XKR3: variants seen among roughly 807,000 people sequenced by gnomAD.
The protein encoded by XKR3 is XK related 3, also known as XK-related protein 3.
In XKR3, 27 loss-of-function variants were observed where a neutral mutation model predicts 40.3. That is an observed-to-expected ratio of 0.67 (90% CI 0.49 to 0.92). The LOEUF is 0.92. Ranked by LOEUF, XKR3 falls within the 40% of genes least tolerant of loss-of-function variation. The probability of loss-of-function intolerance (pLI) is 0.00; values close to 1 mark genes in which losing one functional copy is unlikely to be tolerated. For synonymous variants in XKR3, 193 were observed against 195.4 expected (o/e 0.99, Z 0.10); for missense variants, 472 against 537.6 (o/e 0.88, Z 1.21).
At chr22:16,792,360 T>C (rs1490995424) in intron 3 of XKR3, among the ~76,000 whole-genome samples, 2 of 152,200 alleles carry the variant, frequency 1.3e-5, no homozygotes, top group African/African-American at 2.4e-5. Flanking sequence ...ATAGGAAAAG[T>C]GAACACACAA....
At chr22:16,813,051 G>A (rs1448831191) in intron 1 of XKR3, among the ~76,000 whole-genome samples, 3 of 152,146 alleles carry the variant, frequency 2.0e-5, no homozygotes, top group African/African-American at 4.8e-5. Flanking sequence ...TTGGGAGGCC[G>A]AGGCGGGTGG....
At chr22:16,799,681 G>A (rs1028323967) in intron 3 of XKR3, 90 bp downstream of exon 3, 1 of 1,408,190 alleles carries the variant, frequency 7.1e-7, no homozygotes, top group African/African-American at 1.4e-5. Context: ...CTGTAATTTG[G>A]GATTACATAT....
At chr22:16,821,070 G>A (rs1243080311) in intron 1 of XKR3, among the ~76,000 whole-genome samples, 1 of 152,136 alleles carries the variant, frequency 6.6e-6, no homozygotes. Flanking sequence ...AGATGTTAGA[G>A]TTAAGTCTTC....
At position 16,800,002 on chromosome 22, in the gene XKR3, A is replaced by G. The variant is rs766382936; in HGVS notation, c.358T>C (p.Tyr120His). 1 of 1,614,106 alleles carries G rather than the reference A, an allele frequency of 6.2e-7. No individual in the cohort carries two copies. The highest frequency in any genetic ancestry group is 1.7e-5 in the Admixed American group (1 of 60,018). The change falls in exon 3 of 4, where the codon TAC becomes CAC. Residue 120 changes from tyrosine (Y) to histidine (H), a missense_variant. By Grantham distance (83) the Tyr-to-His change is moderately conservative. Coordinates refer to ENST00000684488, the MANE Select transcript of XKR3 (RefSeq NM_001386955.1). ...TTAAGATTTTTCAACCATTTGTGGT[A>G]ATTTCTAATGGTGTGCAAACACCTG... ...IVRCLHTIRNYHKWLKNLKQE... is the reference protein window; with the variant it reads ...IVRCLHTIRNHHKWLKNLKQE...
At chr22:16,790,751 C>T (rs1436723281) in intron 3 of XKR3, among the ~76,000 whole-genome samples, 3 of 151,754 alleles carry the variant, frequency 2.0e-5, no homozygotes, top group Non-Finnish European at 2.9e-5. Context: ...AACAATTCTC[C>T]GTAAAGAAAA....
Position 16,808,049 on chromosome 22 carries a change from C to T in XKR3, c.25G>A (p.Asp9Asn), listed in dbSNP as rs1310426690. Residue 9 changes from aspartate (D) to asparagine (N), a missense_variant, in exon 2 of 4, where the codon GAT (aspartate) becomes AAT (asparagine). Asp to Asn is a conservative substitution (Grantham distance 23). Transcript: ENST00000684488. Reference sequence around the variant, plus strand: ...GAAACTCCTCCTGTGCTTTCTTCATCCATCTCTTCAAACACTGTCTCCATT... The same window carrying T: ...GAAACTCCTCCTGTGCTTTCTTCATTCATCTCTTCAAACACTGTCTCCATT... METVFEEM[D>N]EESTGGVSSS... The T allele has an allele frequency of 1.2e-6, 2 of 1,609,682 alleles. No homozygotes were observed. Among genetic ancestry groups the T allele is most frequent in the Non-Finnish European group, 1.7e-6 (2 of 1,178,376 alleles).
At chr22:16,817,205 C>T (rs1227507810) in intron 1 of XKR3, among the ~76,000 whole-genome samples, 1 of 152,004 alleles carries the variant, frequency 6.6e-6, no homozygotes, top group East Asian at 1.9e-4. Flanking sequence ...TCCTCCTACT[C>T]ACCTGTTTTG....
intron 1 of XKR3, among the ~76,000 whole-genome samples, chr22:16,814,101 G>A (rs1248869259): frequency 6.6e-6 from 1 of 152,108 alleles, no homozygotes; most frequent in Admixed American, 6.5e-5. Context: ...TTGAAGAAAC[G>A]TTTGCGTAAT....
At chr22:16,809,745 GT>G (rs914280447) in intron 1 of XKR3, among the ~76,000 whole-genome samples, 18 of 151,694 alleles carry the variant, frequency 1.2e-4, no homozygotes, top group African/African-American at 3.6e-4. Context: ...AAATATAATA[GT>G]TTTTTTTTAA....
chr22:16,810,572 T>C (rs2060208444), intron 1 of XKR3, among the ~76,000 whole-genome samples: 1 of 152,214 alleles, frequency 6.6e-6, no homozygotes, highest in African/African-American at 2.4e-5. Context: ...ATGTGAGTTA[T>C]ATCTCAGATA....
Position 16,783,945 on chromosome 22 carries a change from A to G in XKR3, c.1054T>C (p.Phe352Leu), listed in dbSNP as rs2060077448. 1.9e-6 allele frequency: 3 copies of G among 1,614,074 alleles called. No individual in the cohort carries two copies. In the African/African-American group the frequency reaches 4.0e-5, roughly 22 times the overall value. The change falls in exon 4 of 4, where the codon TTT becomes CTT. Residue 352 changes from phenylalanine to leucine, a missense_variant. Coordinates refer to ENST00000684488, the MANE Select transcript of XKR3 (RefSeq NM_001386955.1). ...AATATCATTATCACATTTTCTAAAA[A>G]CTGAAAGCTGTAGTGTAGGATTCTA... is the stretch of plus-strand genomic sequence containing the variant. ...GHRILHYSFQ[F>L]LENVIMILVF...
chr22:16,824,747 T>G (rs2060267693), intron 1 of XKR3, among the ~76,000 whole-genome samples: 1 of 152,186 alleles, frequency 6.6e-6, no homozygotes, highest in Non-Finnish European at 1.5e-5. Flanking sequence ...CCCAACCACT[T>G]CCTTCTCCTT....
Position 16,783,517 on chromosome 22 carries a change from C to T in XKR3, c.*102G>A. ...CATAAATGAATTTTATTAGAAACCA[C>T]TTCCAAGATTTTGCTGTGTATATTT... On this transcript the variant is annotated 3_prime_UTR_variant, in exon 4 of 4. Transcript: ENST00000684488. 1.0e-6 allele frequency: 1 copy of T among 960,828 alleles called. No individual in the cohort carries two copies. Among genetic ancestry groups the T allele is most frequent in the East Asian group, 2.8e-5 (1 of 36,134 alleles). The allele number at this position is 960,828 out of a possible 1,614,324, so 59.5% of individuals were successfully genotyped here.
At chr22:16,785,144 A>C (rs1447493497) in intron 3 of XKR3, among the ~76,000 whole-genome samples, 3 of 151,970 alleles carry the variant, frequency 2.0e-5, no homozygotes, top group Non-Finnish European at 4.4e-5. Context: ...GGTGAAACCC[A>C]GTCTCTACTA....
At chr22:16,808,178 T>C (rs2060198426) in intron 1 of XKR3, 95 bp from the exon 2 acceptor site, 12 of 940,534 alleles carry the variant, frequency 1.3e-5, no homozygotes, top group South Asian at 8.5e-5. Flanking sequence ...TCACTATTCA[T>C]AGAAAATGTT....
At position 16,792,737 on chromosome 22, in the gene XKR3, T is replaced by G. The variant is rs1342212899; in HGVS notation, c.589+7034A>C. On this transcript the variant is annotated intron_variant, in intron 3 of 3. Transcript: ENST00000684488. Reference sequence around the variant, plus strand: ...ATGACATCTGATGTCAAATGACATCTTTGTAATAAAATACTGTATATTTCA... The same window carrying G: ...ATGACATCTGATGTCAAATGACATCGTTGTAATAAAATACTGTATATTTCA... 5.3e-5 allele frequency among the ~76,000 whole-genome samples: 8 copies of G among 152,250 alleles called. 1 individual carries two copies. The highest frequency in any genetic ancestry group is 1.0e-4 in the Non-Finnish European group (7 of 68,044).
chr22:16,797,697 G>A (rs1167607228), intron 3 of XKR3, among the ~76,000 whole-genome samples: 1 of 150,940 alleles, frequency 6.6e-6, no homozygotes, highest in Non-Finnish European at 1.5e-5. Context: ...GGAGGGTGAG[G>A]CAGAAGAATG....
At chr22:16,809,999 G>A (rs766137855) in intron 1 of XKR3, among the ~76,000 whole-genome samples, 18 of 152,128 alleles carry the variant, frequency 1.2e-4, no homozygotes, top group African/African-American at 3.1e-4. Context: ...CCTTCTGCCC[G>A]CCTCAGGCTC....
chr22:16,798,194 C>A (rs5748645), intron 3 of XKR3, among the ~76,000 whole-genome samples: 109,146 of 143,106 alleles, frequency 0.76, 41,075 homozygotes, highest in Middle Eastern at 0.79. Flanking sequence ...AAAAAAAAAA[C>A]AACAACAACA....
Sources: gnomAD v4.1 joint callset for allele counts (sites outside exome capture counted in the v4.1 genomes callset) on GRCh38, gnomAD v4.1.1 for gene constraint, MANE v1.5 for transcripts, NCBI Gene and HGNC (gene_info 2026-07-23, HGNC 2026-07-21) for gene names.